GPHN: variants seen among roughly 807,000 people sequenced by gnomAD.
GPHN encodes gephyrin.
GPHN carries 17 observed loss-of-function variants against 95.5 expected under a neutral mutation model. The ratio of observed to expected loss-of-function variants is 0.18; its 90% confidence interval spans 0.12 to 0.27. GPHN has a LOEUF of 0.27. Among genes scored for constraint, GPHN ranks in the 10% least tolerant of loss-of-function variants. The pLI, the probability that GPHN is intolerant of heterozygous loss-of-function variation, is 1.00. For missense variants in GPHN, 660 were observed against 978.1 expected (o/e 0.67, Z 4.34); for synonymous variants, 320 against 322.5 (o/e 0.99, Z 0.08).
chr14:67,507,517 C>G, the GPHN span, among the ~76,000 whole-genome samples: 1 of 152,044 alleles, frequency 6.6e-6, no homozygotes, highest in Non-Finnish European at 1.5e-5. Context: ...GGTGTGGTCA[C>G]AGCTCATTGC....
At chr14:66,553,743 A>G (rs1417749503) in intron 1 of GPHN, among the ~76,000 whole-genome samples, 2 of 151,874 alleles carry the variant, frequency 1.3e-5, no homozygotes, top group African/African-American at 4.8e-5. Flanking sequence ...CGCCCGCCTA[A>G]TTTTTGTAGT....
At chr14:67,403,154 G>A in the GPHN span, among the ~76,000 whole-genome samples, 2 of 152,136 alleles carry the variant, frequency 1.3e-5, no homozygotes, top group Non-Finnish European at 2.9e-5. Flanking sequence ...GTTTTGATTT[G>A]CATTTCCCTG....
the GPHN span, chr14:67,393,334 G>A: frequency 3.5e-5 from 29 of 837,644 alleles, no homozygotes; most frequent in African/African-American, 5.0e-5. Context: ...TATAAAGCAA[G>A]TGGCAAATGG....
At chr14:67,390,851 A>G in the GPHN span, 15 of 809,678 alleles carry the variant, frequency 1.9e-5, no homozygotes, top group Non-Finnish European at 3.1e-5. Flanking sequence ...GCCCGCTCCA[A>G]TGGGACTACA....
At chr14:67,063,777 A>AT (rs1338999662) in intron 11 of GPHN, among the ~76,000 whole-genome samples, 1 of 152,118 alleles carries the variant, frequency 6.6e-6, no homozygotes, top group Non-Finnish European at 1.5e-5. Flanking sequence ...TTGCAGGTTG[A>AT]TTTTGTATCT....
chr14:67,623,605 G>C, the GPHN span, among the ~76,000 whole-genome samples: 2 of 132,916 alleles, frequency 1.5e-5, no homozygotes, highest in Non-Finnish European at 3.0e-5. Context: ...ACAGTGATGC[G>C]ATCTTGGCTC....
At chr14:66,750,694 G>A (rs1027688673) in intron 2 of GPHN, among the ~76,000 whole-genome samples, 12 of 151,880 alleles carry the variant, frequency 7.9e-5, no homozygotes, top group African/African-American at 2.9e-4. Flanking sequence ...TGGCCCTCTT[G>A]TATTTTATCA....
intron 21 of GPHN, among the ~76,000 whole-genome samples, chr14:67,179,185 G>A (rs949875347): frequency 2.0e-5 from 3 of 151,936 alleles, no homozygotes; most frequent in Non-Finnish European, 4.4e-5. Context: ...AGGAGTTCAA[G>A]ACCAGCCTGA....
At chr14:66,549,807 T>A (rs2059748158) in intron 1 of GPHN, among the ~76,000 whole-genome samples, 1 of 152,218 alleles carries the variant, frequency 6.6e-6, no homozygotes, top group Non-Finnish European at 1.5e-5. Context: ...TTATTTCCTA[T>A]TCTGAAATCC....
intron 20 of GPHN, among the ~76,000 whole-genome samples, chr14:67,168,038 G>A (rs1167988960): frequency 1.3e-5 from 2 of 152,182 alleles, no homozygotes; most frequent in African/African-American, 2.4e-5. Flanking sequence ...ATTTGTATTA[G>A]TCTGCTCAGG....
At chr14:66,793,786 A>G (rs1016059957) in intron 3 of GPHN, among the ~76,000 whole-genome samples, 3 of 152,202 alleles carry the variant, frequency 2.0e-5, no homozygotes, top group Non-Finnish European at 2.9e-5. Context: ...TATAGCTCCA[A>G]AAATATGGTT....
chr14:67,626,367 G>A, the GPHN span, among the ~76,000 whole-genome samples: 38 of 152,156 alleles, frequency 2.5e-4, no homozygotes, highest in East Asian at 6.8e-3. Flanking sequence ...AAAAAGATTC[G>A]ACCTGTCATA....
At chr14:66,517,150 A>G (rs796473274) in intron 1 of GPHN, among the ~76,000 whole-genome samples, 1,696 of 149,048 alleles carry the variant, frequency 0.011, 16 homozygotes, top group African/African-American at 0.03. Flanking sequence ...AAAAAAAAAA[A>G]AAGAAGAAAC....
At chr14:66,786,709 A>T (rs147679655) in intron 3 of GPHN, among the ~76,000 whole-genome samples, 137 of 152,212 alleles carry the variant, frequency 9.0e-4, no homozygotes, top group African/African-American at 3.1e-3. Flanking sequence ...ATATACAGAA[A>T]ACTACTTCAG....
chr14:66,913,667 C>A (rs2065780933), intron 5 of GPHN, among the ~76,000 whole-genome samples: 1 of 151,996 alleles, frequency 6.6e-6, no homozygotes, highest in African/African-American at 2.4e-5. Flanking sequence ...GTACTTTATA[C>A]CAATTTGTGT....
intron 1 of GPHN, among the ~76,000 whole-genome samples, chr14:66,678,576 A>G (rs1003446860): frequency 6.6e-6 from 1 of 151,446 alleles, no homozygotes; most frequent in Non-Finnish European, 1.5e-5. Flanking sequence ...AAGGTATTTC[A>G]TAGATTTTCT....
intron 18 of GPHN, among the ~76,000 whole-genome samples, chr14:67,143,932 T>TATA (rs1451815336): frequency 1.3e-5 from 2 of 151,492 alleles, no homozygotes; most frequent in Non-Finnish European, 2.9e-5. Flanking sequence ...TACAAAATAA[T>TATA]ATAATAATAA....
chr14:67,352,924 T>G, the GPHN span: 1 of 1,592,882 alleles, frequency 6.3e-7, no homozygotes, highest in South Asian at 1.1e-5. Flanking sequence ...TCATTCTACC[T>G]CTATTATCTT....
chr14:66,662,287 C>G (rs984763862), intron 1 of GPHN, among the ~76,000 whole-genome samples: 22 of 152,058 alleles, frequency 1.4e-4, no homozygotes, highest in African/African-American at 4.1e-4. Context: ...CAGGTCTGTA[C>G]CCCTCTGGGA....
Sources: gnomAD v4.1 joint callset for allele counts (sites outside exome capture counted in the v4.1 genomes callset) on GRCh38, gnomAD v4.1.1 for gene constraint, MANE v1.5 for transcripts, NCBI Gene and HGNC (gene_info 2026-07-23, HGNC 2026-07-21) for gene names.